GAD2: variants seen among roughly 807,000 people sequenced by gnomAD.
The protein encoded by GAD2 is 65 kDa glutamic acid decarboxylase.
GAD2 carries 22 observed loss-of-function variants against 80.1 expected under a neutral mutation model. The ratio of observed to expected loss-of-function variants is 0.27; its 90% CI spans 0.20 to 0.39. The LOEUF is 0.39. GAD2 is among the 10% of genes least tolerant of loss of function. The pLI, the probability that GAD2 is intolerant of heterozygous loss-of-function variation, is 1.00. For missense variants in GAD2, 624 were observed against 738.4 expected (o/e 0.85, Z 1.80); for synonymous variants, 274 against 256.9 (o/e 1.07, Z -0.64).
intron 10 of GAD2, 121 bp from the exon 11 acceptor site, chr10:26,273,515 G>T: frequency 4.0e-6 from 3 of 755,500 alleles, no homozygotes; most frequent in Non-Finnish European, 7.0e-6. Context: ...GTGCCAGAAG[G>T]AGGTGGTCAA....
At chr10:26,239,269 G>C (rs558477313) in intron 7 of GAD2, among the ~76,000 whole-genome samples, 1 of 152,160 alleles carries the variant, frequency 6.6e-6, no homozygotes, top group Non-Finnish European at 1.5e-5. Context: ...CTTTATTTGA[G>C]GTCTCTGTGT....
chr10:26,271,406 C>T (rs933074141), intron 10 of GAD2, among the ~76,000 whole-genome samples: 1 of 152,014 alleles, frequency 6.6e-6, no homozygotes, highest in Non-Finnish European at 1.5e-5. Flanking sequence ...TTAGAAGGAC[C>T]GAAGGGATTT....
At chr10:26,256,480 C>G (rs1206919591) in intron 8 of GAD2, among the ~76,000 whole-genome samples, 1 of 152,266 alleles carries the variant, frequency 6.6e-6, no homozygotes. Flanking sequence ...CTATCTTTCC[C>G]AGTCCGGGAT....
intron 6 of GAD2, among the ~76,000 whole-genome samples, chr10:26,229,318 C>T (rs548297582): frequency 2.3e-4 from 35 of 151,962 alleles, no homozygotes; most frequent in African/African-American, 8.0e-4. Context: ...CAGATATAAC[C>T]AGAATTTTAC....
At position 26,300,797 on chromosome 10, in the gene GAD2, G is replaced by A; in HGVS notation, c.1594G>A (p.Val532Met). Residue 532 changes from valine to methionine, a missense_variant, in exon 16 of 16, where the codon GTG becomes ATG. Transcript: ENST00000376261. ...ATGGTCTGTCCCACAGGTGGCTCCA[G>A]TGATTAAAGCCAGAATGATGGAGTA... ...RMSRLSKVAP[V>M]IKARMMEYGT... 1 of 1,613,670 alleles carries A rather than the reference G, an allele frequency of 6.2e-7. No homozygotes were observed. Among genetic ancestry groups the A allele is most frequent in the South Asian group, 1.1e-5 (1 of 91,036 alleles).
chr10:26,219,313 G>T, intron 4 of GAD2, 37 bp downstream of exon 4: 13 of 1,288,564 alleles, frequency 1.0e-5, no homozygotes, highest in East Asian at 2.5e-5. Flanking sequence ...CTCTTTTTTC[G>T]TTTACAATTT....
At chr10:26,221,857 G>A (rs1844456324) in intron 4 of GAD2, among the ~76,000 whole-genome samples, 2 of 152,234 alleles carry the variant, frequency 1.3e-5, no homozygotes, top group South Asian at 4.1e-4. Flanking sequence ...TGGCAGGGTG[G>A]CGACAGCAGC....
At chr10:26,254,793 A>G (rs961214696) in intron 8 of GAD2, among the ~76,000 whole-genome samples, 1 of 152,212 alleles carries the variant, frequency 6.6e-6, no homozygotes, top group Admixed American at 6.5e-5. Context: ...GAGATGATGA[A>G]TAGCGGGCCG....
At chr10:26,274,061 C>G (rs563263203) in intron 11 of GAD2, among the ~76,000 whole-genome samples, 1 of 152,180 alleles carries the variant, frequency 6.6e-6, no homozygotes, top group Non-Finnish European at 1.5e-5. Flanking sequence ...AGATTTATAG[C>G]TTTCATGTTT....
intron 8 of GAD2, among the ~76,000 whole-genome samples, chr10:26,259,251 T>C (rs1844980057): frequency 6.6e-6 from 1 of 152,244 alleles, no homozygotes; most frequent in Non-Finnish European, 1.5e-5. Flanking sequence ...ATGGTAATTC[T>C]ATCTTTAATT....
At chr10:26,263,477 T>G (rs149546487) in intron 8 of GAD2, among the ~76,000 whole-genome samples, 53 of 152,330 alleles carry the variant, frequency 3.5e-4, no homozygotes, top group African/African-American at 1.2e-3. Context: ...GTATCAGCTA[T>G]GTAAAGACAC....
chr10:26,245,852 CAA>C, intron 7 of GAD2, 67 bp from the exon 8 acceptor site: 1 of 1,237,662 alleles, frequency 8.1e-7, no homozygotes, highest in South Asian at 1.3e-5. Flanking sequence ...AAACAGAAAA[CAA>C]ACAGCCAGTG....
At chr10:26,289,315 A>AG (rs1834187855) in intron 13 of GAD2, among the ~76,000 whole-genome samples, 2 of 152,312 alleles carry the variant, frequency 1.3e-5, no homozygotes, top group South Asian at 4.1e-4. Flanking sequence ...AAGGAGGAGA[A>AG]GGAGGAAGAA....
Position 26,302,660 on chromosome 10 carries a change from A to C in GAD2, c.*1699A>C, listed in dbSNP as rs1834339461. 6.6e-6 allele frequency: 1 copy of C among 152,258 alleles called. No homozygotes were observed. Among genetic ancestry groups the C allele is most frequent in the African/African-American group, 2.4e-5 (1 of 41,462 alleles). 9.4% of individuals were successfully genotyped at this position (152,258 alleles called of 1,614,324 possible). On this transcript the variant is annotated 3_prime_UTR_variant, in exon 16 of 16. Coordinates refer to ENST00000376261, the MANE Select transcript of GAD2 (RefSeq NM_001134366.2). ...TCAACGGGTAGAAATGCCCTACAAT[A>C]TAACATAGAGAAATGCCCTATAATA...
chr10:26,231,685 G>T (rs963048784), intron 7 of GAD2, among the ~76,000 whole-genome samples: 1 of 152,156 alleles, frequency 6.6e-6, no homozygotes, highest in Non-Finnish European at 1.5e-5. Context: ...TTACCTTATA[G>T]TTCTGGGGGT....
At chr10:26,300,724 G>A in intron 15 of GAD2, 64 bp from the exon 16 acceptor site, 1 of 1,468,906 alleles carries the variant, frequency 6.8e-7, no homozygotes, top group Non-Finnish European at 9.4e-7. Context: ...CTTGCTGTTG[G>A]GTTCTTTGAC....
At chr10:26,241,894 A>C (rs1300210169) in intron 7 of GAD2, among the ~76,000 whole-genome samples, 2 of 152,178 alleles carry the variant, frequency 1.3e-5, no homozygotes, top group Non-Finnish European at 2.9e-5. Context: ...GTAGTTGCCC[A>C]ACTCAGCATT....
chr10:26,217,532 CACA>C lies in GAD2; in HGVS notation c.77-77_77-75del. On this transcript the variant is annotated intron_variant, in intron 1 of 15. Transcript: ENST00000376261. The surrounding 1 kb of genome is among the most constrained non-coding windows in gnomAD (Gnocchi z 4.9). ...CTAGGACCCCGGACTGATTGATTTT[CACA>C]TAGAACGAAATTTCACACGTCCGTC... is the stretch of plus-strand genomic sequence containing the variant. 6.8e-7 allele frequency: 1 copy of C among 1,465,148 alleles called. No homozygotes were observed. The allele number at this position is 1,465,148 out of a possible 1,614,324, so 90.8% of individuals were successfully genotyped here.
At chr10:26,289,888 G>A (rs1834194886) in intron 13 of GAD2, among the ~76,000 whole-genome samples, 1 of 150,616 alleles carries the variant, frequency 6.6e-6, no homozygotes, top group Middle Eastern at 3.4e-3. Context: ...CATCTCCCAG[G>A]TTCAAGCGAT....
Sources: allele counts gnomAD v4.1 joint callset (sites outside exome capture counted in the v4.1 genomes callset), GRCh38; gene constraint gnomAD v4.1.1; non-coding constraint Gnocchi (gnomAD v3.1); transcripts MANE v1.5; gene names NCBI Gene and HGNC (gene_info 2026-07-23, HGNC 2026-07-21).